Variants in LRMDA observed in about 807,000 individuals in gnomAD.
LRMDA encodes leucine-rich melanocyte differentiation-associated protein.
In LRMDA, 18 loss-of-function variants were observed where a neutral mutation model predicts 29.8. That is an observed-to-expected ratio of 0.60 (90% confidence interval 0.42 to 0.90). The LOEUF is 0.90. Among genes scored for constraint, LRMDA ranks in the 40% least tolerant of loss-of-function variants. The pLI, the probability that LRMDA is intolerant of heterozygous loss-of-function variation, is 0.00. For synonymous variants in LRMDA, 125 were observed against 109.4 expected (o/e 1.14, Z -0.89); for missense variants, 273 against 273.9 (o/e 1.00, Z 0.02).
At chr10:75,959,529 ACAC>A (rs1846725317) in intron 2 of LRMDA, among the ~76,000 whole-genome samples, 1 of 151,652 alleles carries the variant, frequency 6.6e-6, no homozygotes, top group Admixed American at 6.6e-5. Flanking sequence ...ACACACACAC[ACAC>A]ACACATACTT....
intron 5 of LRMDA, among the ~76,000 whole-genome samples, chr10:76,322,088 T>G (rs1840778273): frequency 6.6e-6 from 1 of 152,244 alleles, no homozygotes; most frequent in Admixed American, 6.5e-5. Context: ...ATTTAAATTT[T>G]CTATTACTGC....
intron 5 of LRMDA, among the ~76,000 whole-genome samples, chr10:76,085,660 C>T (rs1297377179): frequency 1.3e-5 from 2 of 152,172 alleles, no homozygotes; most frequent in African/African-American, 2.4e-5. Flanking sequence ...TGTCTCCCAG[C>T]GTCTTGCTGC....
At chr10:75,904,163 A>G (rs2132368997) in intron 2 of LRMDA, among the ~76,000 whole-genome samples, 1 of 152,320 alleles carries the variant, frequency 6.6e-6, no homozygotes. Context: ...ATCATCCTCT[A>G]TGATAAGTAG....
intron 2 of LRMDA, among the ~76,000 whole-genome samples, chr10:75,492,161 G>A (rs1228768825): frequency 1.3e-5 from 2 of 152,240 alleles, no homozygotes; most frequent in Non-Finnish European, 2.9e-5. Context: ...GCCTTGGCAT[G>A]TGACCATGGT....
At chr10:75,581,931 A>T (rs989392650) in intron 2 of LRMDA, among the ~76,000 whole-genome samples, 15 of 152,292 alleles carry the variant, frequency 9.8e-5, no homozygotes, top group Non-Finnish European at 1.9e-4. Flanking sequence ...ATTTATATAT[A>T]TTAAAAAATA....
At chr10:75,724,942 G>T (rs182728670) in intron 2 of LRMDA, among the ~76,000 whole-genome samples, 1 of 152,102 alleles carries the variant, frequency 6.6e-6, no homozygotes, top group African/African-American at 2.4e-5. Context: ...CTCAAATATC[G>T]AATATGCACC....
chr10:76,179,702 C>T (rs1325944559), intron 5 of LRMDA, among the ~76,000 whole-genome samples: 4 of 152,074 alleles, frequency 2.6e-5, no homozygotes, highest in South Asian at 2.1e-4. Flanking sequence ...ATATGAAGAG[C>T]GAGTTTGACT....
chr10:75,622,525 A>G (rs958777708), intron 2 of LRMDA, among the ~76,000 whole-genome samples: 1 of 152,208 alleles, frequency 6.6e-6, no homozygotes, highest in Admixed American at 6.5e-5. Context: ...ACTACCAAGT[A>G]GCTCACCTTG....
At position 76,548,414 on chromosome 10, in the gene LRMDA, A is replaced by C. The variant is rs1309751937; in HGVS notation, c.602-8795A>C. Among the ~76,000 whole-genome samples, 4 of 151,758 alleles carry C rather than the reference A, an allele frequency of 2.6e-5. No homozygotes were observed. The East Asian group carries it at 7.8e-4, about 30-fold the overall frequency. ...CAATTCATTGTTTAGGAAGTCAAGA[A>C]TAAAAACTGTTTCAGGCTTCATCTT... On this transcript the variant is annotated intron_variant, in intron 6 of 6. Transcript: ENST00000611255.
intron 2 of LRMDA, among the ~76,000 whole-genome samples, chr10:75,731,880 A>G (rs915076938): frequency 1.3e-5 from 2 of 152,204 alleles, no homozygotes; most frequent in Non-Finnish European, 2.9e-5. Context: ...ATATTTTCAT[A>G]ATGACATTGA....
chr10:75,454,035 G>T (rs1366838000), intron 2 of LRMDA, among the ~76,000 whole-genome samples: 1 of 152,186 alleles, frequency 6.6e-6, no homozygotes, highest in Non-Finnish European at 1.5e-5. Flanking sequence ...TTGGACAAAA[G>T]GGTATGATCT....
chr10:75,629,695 C>A (rs1294462283), intron 2 of LRMDA, among the ~76,000 whole-genome samples: 1 of 152,152 alleles, frequency 6.6e-6, no homozygotes, highest in Non-Finnish European at 1.5e-5. Flanking sequence ...GCATTTATAT[C>A]TGTTCATGGG....
At chr10:75,940,103 A>T (rs943312299) in intron 2 of LRMDA, among the ~76,000 whole-genome samples, 2 of 152,180 alleles carry the variant, frequency 1.3e-5, no homozygotes, top group African/African-American at 4.8e-5. Flanking sequence ...ACAGATATTT[A>T]TTGAGTACCT....
intron 2 of LRMDA, among the ~76,000 whole-genome samples, chr10:75,584,233 TC>T (rs1840630181): frequency 6.6e-6 from 1 of 152,188 alleles, no homozygotes; most frequent in African/African-American, 2.4e-5. Flanking sequence ...GCCTGCATCT[TC>T]ACTTGACTGG....
At chr10:76,278,756 A>C (rs924671332) in intron 5 of LRMDA, among the ~76,000 whole-genome samples, 4 of 152,170 alleles carry the variant, frequency 2.6e-5, no homozygotes, top group African/African-American at 7.2e-5. Flanking sequence ...CTTCCTCCTG[A>C]AATACAGTAG....
At chr10:76,030,839 G>T (rs1848136975) in intron 2 of LRMDA, among the ~76,000 whole-genome samples, 1 of 152,218 alleles carries the variant, frequency 6.6e-6, no homozygotes, top group South Asian at 2.1e-4. Context: ...TGGGAGATGA[G>T]TGGTCACATC....
intron 2 of LRMDA, among the ~76,000 whole-genome samples, chr10:75,607,100 C>T (rs780166875): frequency 4.6e-5 from 7 of 152,144 alleles, no homozygotes; most frequent in Non-Finnish European, 8.8e-5. Context: ...TCAAAGTCTA[C>T]AATAGAAATT....
chr10:76,531,124 G>A (rs1419704924), intron 6 of LRMDA, among the ~76,000 whole-genome samples: 1 of 152,072 alleles, frequency 6.6e-6, no homozygotes, highest in Non-Finnish European at 1.5e-5. Context: ...CAGTAATAAA[G>A]CACTGCTCAA....
intron 6 of LRMDA, among the ~76,000 whole-genome samples, chr10:76,505,040 T>C (rs1842945424): frequency 1.3e-5 from 2 of 152,112 alleles, no homozygotes; most frequent in Admixed American, 6.6e-5. Flanking sequence ...AAGGATTTTA[T>C]TTCTCTTTTG....
Sources: gnomAD v4.1 joint callset for allele counts (sites outside exome capture counted in the v4.1 genomes callset) on GRCh38, gnomAD v4.1.1 for gene constraint, MANE v1.5 for transcripts, NCBI Gene and HGNC (gene_info 2026-07-23, HGNC 2026-07-21) for gene names.